STX5: variants seen among roughly 807,000 people sequenced by gnomAD.
STX5 encodes the protein syntaxin-5.
Under a neutral mutation model 42.9 loss-of-function variants are expected in STX5, and 15 were observed. That is an observed-to-expected ratio of 0.35 (90% CI 0.23 to 0.54). The LOEUF is 0.54. Ranked by LOEUF, STX5 falls within the 20% of genes least tolerant of loss-of-function variation. The pLI, the probability that STX5 is intolerant of heterozygous loss-of-function variation, is 0.91. For missense variants in STX5, 430 were observed against 455.0 expected, an observed-to-expected ratio of 0.95 and a Z score of 0.50; for synonymous variants, 184 against 173.2, an observed-to-expected ratio of 1.06 and a Z score of -0.49.
In STX5 at chr11:62,824,494, G is replaced by A. The variant is rs151282302; in HGVS notation, c.751C>T (p.Arg251Trp). Residue 251 changes from arginine (R) to tryptophan (W), a missense_variant, in exon 9 of 11, where the codon CGG (arginine) becomes TGG (tryptophan). Physicochemically the swap from Arg to Trp is moderately radical, Grantham distance 101. Coordinates refer to ENST00000294179, the MANE Select transcript of STX5 (RefSeq NM_003164.5). ...KDVAIDMMDS[R>W]TSQQLQLIDE... is the part of the protein sequence containing the mutation. Reference sequence around the variant, plus strand: ...ATGAGCTGCAGCTGCTGGCTGGTCCGAGAGTCCATCATGTCGATGGCGACA... The same window carrying A: ...ATGAGCTGCAGCTGCTGGCTGGTCCAAGAGTCCATCATGTCGATGGCGACA... The A allele has an allele frequency of 1.0e-4, 167 of 1,614,062 alleles. No individual in the cohort carries two copies. Among genetic ancestry groups the A allele is most frequent in the Middle Eastern group, 1.6e-4 (1 of 6,084 alleles).
chr11:62,812,579 C>T (rs977562426), intron 10 of STX5, among the ~76,000 whole-genome samples: 7 of 151,736 alleles, frequency 4.6e-5, no homozygotes, highest in South Asian at 2.1e-4. Flanking sequence ...TCACCACACC[C>T]GGCTAATTTT....
intron 5 of STX5, among the ~76,000 whole-genome samples, chr11:62,826,820 C>T (rs2084801338): frequency 6.9e-6 from 1 of 144,832 alleles, no homozygotes; most frequent in Non-Finnish European, 1.5e-5. Flanking sequence ...GTGGAGGTTG[C>T]AGTGAGCCAA....
chr11:62,820,774 T>C (rs1480843383), intron 10 of STX5, among the ~76,000 whole-genome samples: 1 of 151,984 alleles, frequency 6.6e-6, no homozygotes, highest in East Asian at 2.0e-4. Flanking sequence ...CCTCCCAAAG[T>C]GTTGGGATTA....
intron 10 of STX5, among the ~76,000 whole-genome samples, chr11:62,818,497 G>A (rs915893466): frequency 1.3e-5 from 2 of 149,476 alleles, no homozygotes; most frequent in African/African-American, 5.0e-5. Context: ...AGGAAGTGGA[G>A]ACTGCAATGA....
chr11:62,809,984 C>T (rs908812118), intron 10 of STX5, among the ~76,000 whole-genome samples: 3 of 151,394 alleles, frequency 2.0e-5, no homozygotes, highest in Non-Finnish European at 4.4e-5. Flanking sequence ...CACCTGTAAC[C>T]CCAGCTACTC....
chr11:62,822,703 CTT>C (rs11304762), intron 10 of STX5, among the ~76,000 whole-genome samples: 67 of 138,244 alleles, frequency 4.8e-4, no homozygotes, highest in African/African-American at 9.2e-4. Flanking sequence ...CATTTACGAC[CTT>C]TTTTTTTTTT....
At chr11:62,811,460 C>T (rs543252862) in intron 10 of STX5, among the ~76,000 whole-genome samples, 1 of 152,192 alleles carries the variant, frequency 6.6e-6, no homozygotes, top group Non-Finnish European at 1.5e-5. Flanking sequence ...CACCACTCCC[C>T]CAGCCATGCT....
Position 62,807,550 on chromosome 11 carries a change from G to A in STX5, c.987C>T (p.Val329=), listed in dbSNP as rs760350523. 1 of 1,614,160 alleles carries A rather than the reference G, an allele frequency of 6.2e-7. No homozygotes were observed. Among genetic ancestry groups the A allele is most frequent in the Admixed American group, 1.7e-5 (1 of 60,006 alleles). The part of the protein sequence containing the change: ...HSEILKYFQS[V]TSNRWLMVKI... ...TGACCATGAGCCACCGGTTGGAGGT[G>A]ACAGACTGGAAGTACTTGAGGATCT... The change falls in exon 11 of 11, where the codon GTC becomes GTT. Residue 329 remains valine (V), a synonymous_variant. Coordinates refer to ENST00000294179, the MANE Select transcript of STX5 (RefSeq NM_003164.5).
At chr11:62,807,924 C>A in intron 10 of STX5, 1 of 394,992 alleles carries the variant, frequency 2.5e-6, no homozygotes, top group Non-Finnish European at 4.6e-6. Context: ...TGTCTGTCTT[C>A]AATGAGTTAG....
chr11:62,819,213 T>A (rs1339584722), intron 10 of STX5, among the ~76,000 whole-genome samples: 3 of 88,182 alleles, frequency 3.4e-5, no homozygotes. Context: ...AGAGTGAGAC[T>A]CTGTCTGAAA....
At chr11:62,809,673 C>CAAAAAAAAAAAAA (rs749188946) in intron 10 of STX5, among the ~76,000 whole-genome samples, 1 of 19,178 alleles carries the variant, frequency 5.2e-5, no homozygotes, top group African/African-American at 1.4e-4. Flanking sequence ...GACTCTGTCT[C>CAAAAAAAAAAAAA]AAAAAAAAAA....
rs527416570 is a variant in STX5 at position 62,830,846 on chromosome 11, G to C, written c.225+173C>G. Reference sequence around the variant, plus strand: ...AAAAAAGTCTAAGTCCTTGCCCCTAGTTAGCCAGCCGACCTCTTCTCTGTT... The same window carrying C: ...AAAAAAGTCTAAGTCCTTGCCCCTACTTAGCCAGCCGACCTCTTCTCTGTT... On this transcript the variant is annotated intron_variant, in intron 2 of 10. Coordinates refer to ENST00000294179, the MANE Select transcript of STX5 (RefSeq NM_003164.5). Among the ~76,000 whole-genome samples the C allele has an allele frequency of 2.2e-4, 33 of 152,266 alleles. 1 individual carries two copies. The South Asian group carries it at 6.6e-3, about 31-fold the overall frequency.
chr11:62,831,591 G>T (rs2084865938), intron 1 of STX5, among the ~76,000 whole-genome samples: 1 of 152,114 alleles, frequency 6.6e-6, no homozygotes, highest in African/African-American at 2.4e-5. Flanking sequence ...CCCTAACCCA[G>T]CCCTTTCGTT....
chr11:62,829,427 A>AAAATAAAT (rs56250621), intron 2 of STX5, among the ~76,000 whole-genome samples: 54,609 of 148,652 alleles, frequency 0.37, 11,813 homozygotes, highest in Non-Finnish European at 0.5. Flanking sequence ...TCCCATCTCA[A>AAAATAAAT]AAATAAATAA....
intron 10 of STX5, among the ~76,000 whole-genome samples, chr11:62,821,111 C>A (rs1263964696): frequency 6.6e-6 from 1 of 151,432 alleles, no homozygotes; most frequent in Non-Finnish European, 1.5e-5. Context: ...AAATCGAGAC[C>A]ATCCTGGCCA....
rs139476572 is a variant in STX5 at position 62,831,037 on chromosome 11, C to T, written c.207G>A (p.Lys69=). 8.9e-4 allele frequency: 1,377 copies of T among 1,552,800 alleles called. 25 individuals carry two copies. The East Asian group carries it at 0.031, about 35-fold the overall frequency. ...DRTQEFLSAC[K]SLQTRQNGIQ... ...TCCTTACCTGACGGGTCTGCAGCGA[C>T]TTGCAGGCAGACAGAAACTCCTGGG... Residue 69 remains lysine, a synonymous_variant, in exon 2 of 11, where the codon AAG becomes AAA. Transcript: ENST00000294179.
chr11:62,813,690 G>A lies in STX5; in HGVS notation c.909-6062C>T. Among the ~76,000 whole-genome samples the A allele has an allele frequency of 1.3e-5, 2 of 152,108 alleles. 1 individual carries two copies. The highest frequency in any genetic ancestry group is 2.9e-5 in the Non-Finnish European group (2 of 67,974). On this transcript the variant is annotated intron_variant, in intron 10 of 10. Coordinates refer to ENST00000294179, the MANE Select transcript of STX5 (RefSeq NM_003164.5). ...AATCAGGGTTGGACCCTGCTAAAGG[G>A]ATAAGATCAAGTGGGCAGGAGTGGA...
chr11:62,824,702 TCA>T (rs2134847067), intron 8 of STX5, 137 bp from the exon 9 acceptor site: 2 of 765,314 alleles, frequency 2.6e-6, no homozygotes, highest in South Asian at 1.7e-5. Flanking sequence ...TCTCTGAGCC[TCA>T]GTTTCCTCAC....
chr11:62,815,299 C>T (rs901664902), intron 10 of STX5, among the ~76,000 whole-genome samples: 1 of 152,136 alleles, frequency 6.6e-6, no homozygotes. Flanking sequence ...AGCCACCATG[C>T]CCAGCCAACC....
Sources: allele counts gnomAD v4.1 joint callset (sites outside exome capture counted in the v4.1 genomes callset), GRCh38; gene constraint gnomAD v4.1.1; transcripts MANE v1.5; gene names NCBI Gene and HGNC (gene_info 2026-07-23, HGNC 2026-07-21).